The following ELL variants were observed in gnomAD, a reference collection of about 807,000 sequenced individuals.
ELL encodes the protein elongation factor for RNA polymerase II, also known as RNA polymerase II elongation factor ELL.
A neutral mutation model predicts 64.0 loss-of-function variants in ELL; 18 were observed. The observed-to-expected ratio is 0.28, with a 90% confidence interval of 0.19 to 0.42. The LOEUF is 0.42. Among genes scored for constraint, ELL ranks in the 10% least tolerant of loss-of-function variants. The pLI, the probability that ELL is intolerant of heterozygous loss-of-function variation, is 1.00. For missense variants in ELL, 797 were observed against 870.4 expected, an observed-to-expected ratio of 0.92 and a Z score of 1.06; for synonymous variants, 399 against 376.2, an observed-to-expected ratio of 1.06 and a Z score of -0.70.
At chr19:18,478,396 C>T (rs1377265478) in intron 1 of ELL, among the ~76,000 whole-genome samples, 2 of 152,200 alleles carry the variant, frequency 1.3e-5, no homozygotes, top group East Asian at 1.9e-4. Context: ...GCCCATCTCA[C>T]ACCCAAGAAC....
intron 8 of ELL, among the ~76,000 whole-genome samples, chr19:18,450,178 G>A (rs1974491020): frequency 6.6e-6 from 1 of 152,216 alleles, no homozygotes; most frequent in Non-Finnish European, 1.5e-5. Context: ...CTCTCTGCAT[G>A]TTAGCCCCTT....
chr19:18,466,732 T>C (rs1341254932), intron 2 of ELL, among the ~76,000 whole-genome samples: 1 of 152,204 alleles, frequency 6.6e-6, no homozygotes, highest in African/African-American at 2.4e-5. Context: ...CCTAAACTAA[T>C]GCCTGGGCTT....
At chr19:18,512,624 A>C (rs1407871433) in intron 1 of ELL, among the ~76,000 whole-genome samples, 1 of 152,208 alleles carries the variant, frequency 6.6e-6, no homozygotes, top group Non-Finnish European at 1.5e-5. Context: ...CAGAAAAAAA[A>C]CAATAAAACC....
At chr19:18,453,886 A>C (rs554104374) in intron 6 of ELL, among the ~76,000 whole-genome samples, 1 of 152,290 alleles carries the variant, frequency 6.6e-6, no homozygotes, top group South Asian at 2.1e-4. Context: ...AACATTCCTC[A>C]CAGCTACAAG....
At chr19:18,464,630 G>T (rs1403628960) in intron 4 of ELL, among the ~76,000 whole-genome samples, 2 of 152,136 alleles carry the variant, frequency 1.3e-5, no homozygotes, top group South Asian at 2.1e-4. Flanking sequence ...GAGAGGAATT[G>T]AAATGCCCCC....
At chr19:18,515,370 C>A (rs1279764883) in intron 1 of ELL, among the ~76,000 whole-genome samples, 2 of 152,264 alleles carry the variant, frequency 1.3e-5, no homozygotes, top group Non-Finnish European at 2.9e-5. Flanking sequence ...TCCACCCCAG[C>A]CCATCCAGCG....
intron 1 of ELL, among the ~76,000 whole-genome samples, chr19:18,476,564 C>T (rs1362726847): frequency 6.6e-6 from 1 of 151,920 alleles, no homozygotes; most frequent in Non-Finnish European, 1.5e-5. Flanking sequence ...AGGTGGGTCA[C>T]CTTCAAGACT....
intron 1 of ELL, among the ~76,000 whole-genome samples, chr19:18,475,358 G>A (rs1210315627): frequency 1.3e-5 from 2 of 152,186 alleles, no homozygotes; most frequent in African/African-American, 4.8e-5. Flanking sequence ...AAGCTGACAA[G>A]AGCAAGTGTT....
chr19:18,472,783 G>A, intron 2 of ELL, 52 bp downstream of exon 2: 1 of 1,565,306 alleles, frequency 6.4e-7, no homozygotes, highest in Non-Finnish European at 8.6e-7. Context: ...ACAGACCTGA[G>A]ACTATACCAG....
intron 1 of ELL, among the ~76,000 whole-genome samples, chr19:18,507,069 G>C (rs1310936118): frequency 6.6e-6 from 1 of 152,212 alleles, no homozygotes; most frequent in East Asian, 1.9e-4. Context: ...CTGGACACAG[G>C]CTGCCAGCAC....
rs1473953828 is a variant in ELL, at chr19:18,449,781, G to A, written c.1465+696C>T. ...CATGGTGGTGGAACAGCCGCTGCAC[G>A]CTGGCCACTGCTTCTGCTGGTTCCT... On this transcript the variant is annotated intron_variant, in intron 8 of 11. Transcript: ENST00000262809. The surrounding 1 kb of genome is among the most constrained non-coding windows in gnomAD (Gnocchi z 4.4). Among the ~76,000 whole-genome samples, 3 of 152,196 alleles carry A rather than the reference G, an allele frequency of 2.0e-5. No homozygotes were observed. The highest frequency in any genetic ancestry group is 4.4e-5 in the Non-Finnish European group (3 of 68,032).
At chr19:18,487,761 T>C (rs1438285323) in intron 1 of ELL, among the ~76,000 whole-genome samples, 3 of 152,252 alleles carry the variant, frequency 2.0e-5, no homozygotes, top group Non-Finnish European at 4.4e-5. Context: ...GTTGAGCACA[T>C]GGCTTCTAAC....
intron 9 of ELL, 51 bp from the exon 10 acceptor site, chr19:18,446,531 C>T (rs773169036): frequency 6.3e-7 from 1 of 1,585,278 alleles, no homozygotes. Context: ...GACCCAGCCC[C>T]ACCCAGGAAG....
intron 2 of ELL, among the ~76,000 whole-genome samples, chr19:18,467,535 C>T (rs913467931): frequency 2.6e-5 from 4 of 151,870 alleles, no homozygotes; most frequent in East Asian, 3.9e-4. Flanking sequence ...AAGGCAGAAA[C>T]GGCCTGCACT....
intron 2 of ELL, among the ~76,000 whole-genome samples, chr19:18,469,969 G>A (rs1975029707): frequency 6.6e-6 from 1 of 152,244 alleles, no homozygotes; most frequent in Non-Finnish European, 1.5e-5. Flanking sequence ...CTCTGTGGCA[G>A]GCTGCCGGCA....
intron 7 of ELL, 94 bp from the exon 8 acceptor site, chr19:18,451,069 CT>C (rs987012074): frequency 9.3e-6 from 13 of 1,404,024 alleles, no homozygotes; most frequent in Non-Finnish European, 1.0e-5. Flanking sequence ...CCAACGCCGC[CT>C]GCAAGGCCCA....
intron 1 of ELL, among the ~76,000 whole-genome samples, chr19:18,491,300 A>T (rs1975528677): frequency 1.8e-5 from 2 of 109,182 alleles, no homozygotes; most frequent in East Asian, 3.3e-4. Flanking sequence ...TTTAGTAGAG[A>T]TGGAGTCTTA....
intron 1 of ELL, among the ~76,000 whole-genome samples, chr19:18,486,681 T>C (rs1975424927): frequency 6.6e-6 from 1 of 152,126 alleles, no homozygotes; most frequent in Non-Finnish European, 1.5e-5. Context: ...CCTCATCTCA[T>C]TGTCTGCTCA....
chr19:18,493,365 C>G (rs1975573434), intron 1 of ELL, among the ~76,000 whole-genome samples: 1 of 152,222 alleles, frequency 6.6e-6, no homozygotes, highest in Non-Finnish European at 1.5e-5. Context: ...TGCCCTGGGC[C>G]CTGGGCAGCA....
Sources: gnomAD v4.1 joint callset for allele counts (sites outside exome capture counted in the v4.1 genomes callset) on GRCh38, gnomAD v4.1.1 for gene constraint, Gnocchi (gnomAD v3.1) non-coding constraint, MANE v1.5 for transcripts, NCBI Gene and HGNC (gene_info 2026-07-23, HGNC 2026-07-21) for gene names.